The following DCDC2 variants were observed in gnomAD, a reference collection of about 807,000 sequenced individuals.
DCDC2 encodes doublecortin domain-containing protein 2.
DCDC2 carries 40 observed loss-of-function variants against 50.2 expected under a neutral mutation model. The observed-to-expected ratio is 0.80, with a 90% confidence interval of 0.62 to 1.04. The LOEUF (loss-of-function observed/expected upper bound fraction) is 1.04. Ranked by LOEUF, DCDC2 falls within the 50% of genes least tolerant of loss-of-function variation. The pLI is 0.00. For synonymous variants in DCDC2, 234 were observed against 210.6 expected (o/e 1.11, Z -0.96); for missense variants, 570 against 581.9 (o/e 0.98, Z 0.21).
At position 24,262,817 on chromosome 6, in the gene DCDC2, C is replaced by T. The variant is rs577120853; in HGVS notation, c.922+15232G>A. 2.6e-5 allele frequency among the ~76,000 whole-genome samples: 4 copies of T among 152,360 alleles called. No individual in the cohort carries two copies. In the South Asian group the frequency reaches 8.3e-4, roughly 32 times the overall value. On this transcript the variant is annotated intron_variant, in intron 7 of 9. Coordinates refer to ENST00000378454, the MANE Select transcript of DCDC2 (RefSeq NM_016356.5). Reference sequence around the variant, plus strand: ...AAGCTTATTGCCTTGAAGGGAAGGACATGGGTCTGGCTGGGTTCACCAACT... The same window carrying T: ...AAGCTTATTGCCTTGAAGGGAAGGATATGGGTCTGGCTGGGTTCACCAACT...
chr6:24,271,510 C>T (rs1763238556), intron 7 of DCDC2, among the ~76,000 whole-genome samples: 1 of 152,144 alleles, frequency 6.6e-6, no homozygotes, highest in African/African-American at 2.4e-5. Context: ...CTCAGTGTCC[C>T]CACCCGAGTA....
At chr6:24,349,183 T>C (rs994245889) in intron 2 of DCDC2, among the ~76,000 whole-genome samples, 6 of 152,188 alleles carry the variant, frequency 3.9e-5, no homozygotes, top group Non-Finnish European at 7.3e-5. Context: ...GGTCCACAAA[T>C]GGCTTTGCTG....
At chr6:24,316,883 T>C (rs1445668531) in intron 2 of DCDC2, among the ~76,000 whole-genome samples, 2 of 151,836 alleles carry the variant, frequency 1.3e-5, no homozygotes, top group Non-Finnish European at 2.9e-5. Flanking sequence ...GATGCAAGTA[T>C]GAAAAATACA....
chr6:24,301,571 C>T, intron 4 of DCDC2, 144 bp downstream of exon 4: 1 of 899,478 alleles, frequency 1.1e-6, no homozygotes, highest in Non-Finnish European at 1.7e-6. Context: ...GGTATATCTC[C>T]ATTCTACAGA....
chr6:24,206,925 T>C (rs182275426), intron 7 of DCDC2, among the ~76,000 whole-genome samples: 77 of 152,208 alleles, frequency 5.1e-4, no homozygotes, highest in African/African-American at 1.8e-3. Context: ...GTTTAAGCCA[T>C]TGCCATTAAC....
At position 24,220,879 on chromosome 6, in the gene DCDC2, A is replaced by AGC. The variant is rs1554146328; in HGVS notation, c.923-15778_923-15777insGC. Among the ~76,000 whole-genome samples, 10 of 107,028 alleles carry AGC rather than the reference A, an allele frequency of 9.3e-5. No homozygotes were observed. The South Asian group carries it at 9.4e-4, about 10-fold the overall frequency. The allele number at this position is 107,028 out of a possible 152,430, so 70.2% of individuals were successfully genotyped here. On this transcript the variant is annotated intron_variant, in intron 7 of 9. Transcript: ENST00000378454. ...GAGAGAGACAGAGAGCAAGAGAGCG[A>AGC]GAGCGAGAGAGTGAGCGAGCGAGCG...
Position 24,211,956 on chromosome 6 carries a change from C to T in DCDC2, c.923-6854G>A, listed in dbSNP as rs541689401. On this transcript the variant is annotated intron_variant, in intron 7 of 9. Coordinates refer to ENST00000378454, the MANE Select transcript of DCDC2 (RefSeq NM_016356.5). ...GAGGGGTCCCCAACTCCCAGGGCCA[C>T]GGACTGGAAGTGGTCTGTGGCCTGT... is the stretch of plus-strand genomic sequence containing the variant. Among the ~76,000 whole-genome samples the T allele has an allele frequency of 4.5e-4, 68 of 152,130 alleles. 2 individuals carry two copies. Among genetic ancestry groups the T allele is most frequent in the South Asian group, 1.2e-3 (6 of 4,822 alleles).
chr6:24,240,046 C>T (rs558723745), intron 7 of DCDC2, among the ~76,000 whole-genome samples: 1 of 152,140 alleles, frequency 6.6e-6, no homozygotes, highest in Non-Finnish European at 1.5e-5. Flanking sequence ...TAAGAGCCAA[C>T]AAGGAGGCAG....
chr6:24,256,360 ACT>A (rs1360615745), intron 7 of DCDC2, among the ~76,000 whole-genome samples: 1 of 149,950 alleles, frequency 6.7e-6, no homozygotes, highest in African/African-American at 2.5e-5. Context: ...TGATTTAAGC[ACT>A]CTTTTGTATG....
At chr6:24,306,044 G>A (rs1191140021) in intron 2 of DCDC2, among the ~76,000 whole-genome samples, 3 of 151,740 alleles carry the variant, frequency 2.0e-5, no homozygotes, top group Non-Finnish European at 4.4e-5. Context: ...AAAAAGAAAG[G>A]AAAGAAAAGA....
chr6:24,300,164 C>A (rs899982552), intron 4 of DCDC2, among the ~76,000 whole-genome samples: 4 of 151,178 alleles, frequency 2.6e-5, no homozygotes, highest in African/African-American at 7.3e-5. Context: ...CCAAGGCGGG[C>A]GGATTGCTTG....
At position 24,225,406 on chromosome 6, in the gene DCDC2, G is replaced by C. The variant is rs568778921; in HGVS notation, c.923-20304C>G. 8.7e-4 allele frequency among the ~76,000 whole-genome samples: 132 copies of C among 151,812 alleles called. No individual in the cohort carries two copies. The South Asian group carries it at 0.026, about 30-fold the overall frequency. On this transcript the variant is annotated intron_variant, in intron 7 of 9. Coordinates refer to ENST00000378454, the MANE Select transcript of DCDC2 (RefSeq NM_016356.5). ...ACCAGAAAAACATGCAGTTAAACTT[G>C]ATACACACACACACACACAAATATG...
chr6:24,291,378 A>C (rs1581635083), intron 4 of DCDC2, among the ~76,000 whole-genome samples: 1 of 152,168 alleles, frequency 6.6e-6, no homozygotes, highest in African/African-American at 2.4e-5. Context: ...GCCATATTAA[A>C]ATTTTAGAGG....
chr6:24,325,802 A>T lies in DCDC2; in HGVS notation c.349-23758T>A, dbSNP rs1381932230. Among the ~76,000 whole-genome samples the T allele has an allele frequency of 2.0e-5, 3 of 149,240 alleles. 1 individual carries two copies. Among genetic ancestry groups the T allele is most frequent in the Non-Finnish European group, 4.5e-5 (3 of 67,160 alleles). On this transcript the variant is annotated intron_variant, in intron 2 of 9. Coordinates refer to ENST00000378454, the MANE Select transcript of DCDC2 (RefSeq NM_016356.5). The stretch of plus-strand genomic sequence containing the variant: ...ATATCAAGGCCTGTTTTAAAAATAT[A>T]TATATTATACATGTGAATGAGAAAT...
the DCDC2 span, among the ~76,000 whole-genome samples, chr6:24,367,617 G>T: frequency 3.5e-4 from 53 of 152,356 alleles, no homozygotes; most frequent in African/African-American, 1.1e-3. Context: ...GTGAGGCAAA[G>T]AATTAAATGT....
intron 7 of DCDC2, among the ~76,000 whole-genome samples, chr6:24,214,420 G>A (rs1761934190): frequency 6.6e-6 from 1 of 152,064 alleles, no homozygotes; most frequent in South Asian, 2.1e-4. Flanking sequence ...AGATATTTCA[G>A]ATTCTCATGA....
At chr6:24,211,334 G>A (rs1045527051) in intron 7 of DCDC2, among the ~76,000 whole-genome samples, 5 of 152,172 alleles carry the variant, frequency 3.3e-5, no homozygotes, top group East Asian at 3.8e-4. Context: ...GGGAACTGAC[G>A]AGAAAGAAGA....
At chr6:24,256,985 T>A (rs1446792237) in intron 7 of DCDC2, among the ~76,000 whole-genome samples, 1 of 152,218 alleles carries the variant, frequency 6.6e-6, no homozygotes, top group Non-Finnish European at 1.5e-5. Flanking sequence ...CAGTTTTCTC[T>A]ACACAGAGCC....
intron 2 of DCDC2, among the ~76,000 whole-genome samples, chr6:24,322,506 T>C (rs1581652038): frequency 6.6e-6 from 1 of 151,090 alleles, no homozygotes. Context: ...TTTTTTTTTT[T>C]CCAGATCCAG....
Sources: allele counts gnomAD v4.1 joint callset (sites outside exome capture counted in the v4.1 genomes callset), GRCh38; gene constraint gnomAD v4.1.1; transcripts MANE v1.5; gene names NCBI Gene and HGNC (gene_info 2026-07-23, HGNC 2026-07-21).